The following GIT2 variants were observed in gnomAD, a reference collection of about 807,000 sequenced individuals.
GIT2 encodes GIT ArfGAP 2, also known as ARF GTPase-activating protein GIT2.
Under a neutral mutation model 100.3 loss-of-function variants are expected in GIT2, and 32 were observed. That is an observed-to-expected ratio of 0.32 (90% CI 0.24 to 0.43). GIT2 has a LOEUF of 0.43. GIT2 is among the 20% of genes least tolerant of loss of function. The pLI is 1.00. For synonymous variants in GIT2, 353 were observed against 364.1 expected (o/e 0.97, Z 0.35); for missense variants, 737 against 975.1 (o/e 0.76, Z 3.25).
At chr12:109,939,592 T>C (rs1339606976) in intron 16 of GIT2, 1 of 163,302 alleles carries the variant, frequency 6.1e-6, no homozygotes, top group Non-Finnish European at 1.3e-5. Context: ...GGCTCACACC[T>C]GTAATCCCTG....
chr12:109,998,115 G>A (rs1026011578), upstream of GIT2: 3 of 152,272 alleles, frequency 2.0e-5, no homozygotes, highest in Non-Finnish European at 4.4e-5. Context: ...AGAACGTTAA[G>A]TTGCAAAAGG....
intron 7 of GIT2, among the ~76,000 whole-genome samples, chr12:109,974,333 C>A (rs2136628416): frequency 6.6e-6 from 1 of 152,178 alleles, no homozygotes; most frequent in Admixed American, 6.5e-5. Flanking sequence ...TGGAGACCAG[C>A]CTGGTCAACA....
intron 4 of GIT2, among the ~76,000 whole-genome samples, chr12:109,988,385 AT>A (rs1485827463): frequency 1.3e-5 from 2 of 152,024 alleles, no homozygotes; most frequent in African/African-American, 4.8e-5. Flanking sequence ...TCTACAAAAA[AT>A]AAAAAATATT....
upstream of GIT2, chr12:109,996,481 CTG>C: frequency 2.2e-6 from 1 of 459,576 alleles, no homozygotes. Flanking sequence ...CGAGTATCAT[CTG>C]TCCTACCTTT....
intron 8 of GIT2, among the ~76,000 whole-genome samples, chr12:109,965,996 T>A (rs1439964896): frequency 7.5e-6 from 1 of 132,822 alleles, no homozygotes; most frequent in Non-Finnish European, 1.7e-5. Flanking sequence ...TCAGGGTTGT[T>A]TTTTTTTTTT....
chr12:109,969,523 GT>G (rs1883333299), intron 7 of GIT2, among the ~76,000 whole-genome samples: 1 of 151,918 alleles, frequency 6.6e-6, no homozygotes, highest in Non-Finnish European at 1.5e-5. Flanking sequence ...TATGCATTGA[GT>G]TTTGGTGTTA....
intron 18 of GIT2, among the ~76,000 whole-genome samples, chr12:109,936,112 G>A (rs192740695): frequency 1.9e-4 from 29 of 152,122 alleles, no homozygotes; most frequent in African/African-American, 4.6e-4. Flanking sequence ...GGTTTAATTC[G>A]TACAATTCAA....
intron 4 of GIT2, among the ~76,000 whole-genome samples, chr12:109,987,624 C>T (rs553288043): frequency 1.3e-5 from 2 of 151,810 alleles, no homozygotes; most frequent in Admixed American, 6.6e-5. Flanking sequence ...GGCCACCATA[C>T]CCGGCTAAAA....
At position 109,938,479 on chromosome 12, in the gene GIT2, G is replaced by A; in HGVS notation, c.1904C>T (p.Pro635Leu). The A allele has an allele frequency of 6.2e-7, 1 of 1,613,734 alleles. No individual in the cohort carries two copies. The highest frequency in any genetic ancestry group is 8.5e-7 in the Non-Finnish European group (1 of 1,179,702). Reference protein sequence around the residue: ...DTAEPHVAPSPTLPSTEDVIR... With the variant: ...DTAEPHVAPSLTLPSTEDVIR... ...GACATCTTCGGTGCTAGGGAGAGTGGGGCTTGGGGCCACATGGGGTTCTGC... is the reference window on the plus strand; with the variant it reads ...GACATCTTCGGTGCTAGGGAGAGTGAGGCTTGGGGCCACATGGGGTTCTGC... The change falls in exon 18 of 20, where the codon CCC becomes CTC. Residue 635 changes from proline (P) to leucine (L), a missense_variant. Pro to Leu is a moderately conservative substitution (Grantham distance 98). Transcript: ENST00000355312.
At chr12:109,943,663 C>CA (rs1328642024) in intron 16 of GIT2, among the ~76,000 whole-genome samples, 5 of 125,682 alleles carry the variant, frequency 4.0e-5, no homozygotes, top group Non-Finnish European at 8.8e-5. Context: ...ATCAAGAATT[C>CA]TTTTTTTTTT....
At chr12:109,965,166 T>G (rs1437701685) in intron 9 of GIT2, among the ~76,000 whole-genome samples, 1 of 152,092 alleles carries the variant, frequency 6.6e-6, no homozygotes, top group East Asian at 1.9e-4. Flanking sequence ...ATTTACCAGC[T>G]CTAGAACCCT....
Position 109,933,278 on chromosome 12 carries a change from C to G in GIT2, c.2068-88G>C, listed in dbSNP as rs1393431656. 6.3e-6 allele frequency: 5 copies of G among 790,150 alleles called. No homozygotes were observed. The highest frequency in any genetic ancestry group is 1.1e-5 in the Non-Finnish European group (5 of 474,660). 48.9% of individuals were successfully genotyped at this position (790,150 alleles called of 1,614,324 possible). A position where few individuals can be genotyped will look rare whatever the true frequency, so the allele number is the denominator to read the frequency against. On this transcript the variant is annotated intron_variant, in intron 19 of 19. Transcript: ENST00000355312. This position sits in a 1 kb window ranked among gnomAD's most constrained non-coding sequence, Gnocchi z 4.5. Reference sequence around the variant, plus strand: ...AAACATTCTTCTAAAGCAAACCAAGCTGCTCCCCAGAGTGAAAGGCGGTTT... The same window carrying G: ...AAACATTCTTCTAAAGCAAACCAAGGTGCTCCCCAGAGTGAAAGGCGGTTT...
intron 18 of GIT2, 143 bp downstream of exon 18, chr12:109,938,237 T>C (rs1873596472): frequency 1.8e-6 from 1 of 571,332 alleles, no homozygotes; most frequent in Admixed American, 3.3e-5. Flanking sequence ...ACTGACATTG[T>C]TCTTAAGCCT....
In GIT2 at chr12:109,953,210, G is replaced by C. The variant is rs1213759192; in HGVS notation, c.1124C>G (p.Thr375Ser). Residue 375 changes from threonine to serine, a missense_variant, in exon 13 of 20, where the codon ACC becomes AGC. Physicochemically the swap from Thr to Ser is moderately conservative, Grantham distance 58. This residue lies in a region of GIT2 where 451 missense variants were observed against 543.7 expected (regional missense o/e 0.83). Coordinates refer to ENST00000355312, the MANE Select transcript of GIT2 (RefSeq NM_057169.5). ...SKDNVELILKTINNQHSVESQ... is the reference protein window; with the variant it reads ...SKDNVELILKSINNQHSVESQ... ...CTCAACGCTGTGCTGGTTATTGATG[G>C]TTTTCAGTATGAGCTCCACATTGTC... 1.2e-6 allele frequency: 2 copies of C among 1,613,898 alleles called. No homozygotes were observed. Among genetic ancestry groups the C allele is most frequent in the Admixed American group, 3.3e-5 (2 of 60,018 alleles).
chr12:109,938,502 T>G lies in GIT2; in HGVS notation c.1881A>C (p.Ala627=). 6.2e-7 allele frequency: 1 copy of G among 1,613,954 alleles called. No individual in the cohort carries two copies. ...WPGDGLVPDT[A]EPHVAPSPTL... is the part of the protein sequence containing the mutation. ...TGGGGCTTGGGGCCACATGGGGTTC[T>G]GCTGTGTCTGGTACCAAGCCATCCC... Residue 627 remains alanine, a synonymous_variant, in exon 18 of 20, where the codon GCA becomes GCC. Coordinates refer to ENST00000355312, the MANE Select transcript of GIT2 (RefSeq NM_057169.5).
intron 5 of GIT2, 43 bp downstream of exon 5, chr12:109,983,565 A>G (rs1176376027): frequency 1.3e-6 from 2 of 1,591,804 alleles, no homozygotes; most frequent in African/African-American, 2.7e-5. Context: ...CATGAACACA[A>G]CTCACTTAGT....
In GIT2 at chr12:109,932,269, C is replaced by T. The variant is rs1196633669; in HGVS notation, c.*709G>A. 1 of 152,232 alleles carries T rather than the reference C, an allele frequency of 6.6e-6. No individual in the cohort carries two copies. Among genetic ancestry groups the T allele is most frequent in the Admixed American group, 6.5e-5 (1 of 15,272 alleles). 9.4% of individuals were successfully genotyped at this position (152,232 alleles called of 1,614,324 possible). A position where few individuals can be genotyped will look rare whatever the true frequency, so the allele number is the denominator to read the frequency against. On this transcript the variant is annotated 3_prime_UTR_variant, in exon 20 of 20. Transcript: ENST00000355312. Reference sequence around the variant, plus strand: ...GGAGCTCCTACCCTGAACATGGCTTCATGAGATGTCCTGTGGTGGGTCAAT... The same window carrying T: ...GGAGCTCCTACCCTGAACATGGCTTTATGAGATGTCCTGTGGTGGGTCAAT...
At position 109,939,266 on chromosome 12, in the gene GIT2, A is replaced by G; in HGVS notation, c.1732-19T>C. 1 of 1,442,644 alleles carries G rather than the reference A, an allele frequency of 6.9e-7. No individual in the cohort carries two copies. The highest frequency in any genetic ancestry group is 9.8e-7 in the Non-Finnish European group (1 of 1,024,096). The allele number at this position is 1,442,644 out of a possible 1,614,324, so 89.4% of individuals were successfully genotyped here. On this transcript the variant is annotated intron_variant, in intron 16 of 19. Transcript: ENST00000355312. ...TGGATGCCTACAAGAAAGAAGAGGG[A>G]CCCTCATGAGTTTGTAACATGAGAC...
At chr12:109,956,200 G>A (rs1184110067) in intron 12 of GIT2, among the ~76,000 whole-genome samples, 1 of 152,140 alleles carries the variant, frequency 6.6e-6, no homozygotes, top group Non-Finnish European at 1.5e-5. Flanking sequence ...AAAGTGCTAG[G>A]ATTACAGGCG....
Sources: gnomAD v4.1 joint callset for allele counts (sites outside exome capture counted in the v4.1 genomes callset) on GRCh38, gnomAD v4.1.1 for gene constraint, gnomAD v4.1.1 regional missense constraint, Gnocchi (gnomAD v3.1) non-coding constraint, MANE v1.5 for transcripts, NCBI Gene and HGNC (gene_info 2026-07-23, HGNC 2026-07-21) for gene names.